The following HYCC1 variants were observed in gnomAD, a reference collection of about 807,000 sequenced individuals.
The protein encoded by HYCC1 is hyccin.
the HYCC1 span, among the ~76,000 whole-genome samples, chr7:22,931,167 A>G: frequency 1.3e-5 from 2 of 151,520 alleles, no homozygotes; most frequent in East Asian, 3.9e-4. Flanking sequence ...TTTTAAGGCC[A>G]CATGAAGACA....
chr7:22,916,399 C>T, the HYCC1 span, among the ~76,000 whole-genome samples: 38 of 152,270 alleles, frequency 2.5e-4, no homozygotes, highest in East Asian at 7.0e-3. Flanking sequence ...ACTCCCCTTT[C>T]CATTCCTTAA....
chr7:22,983,389 G>C, the HYCC1 span, among the ~76,000 whole-genome samples: 2 of 151,876 alleles, frequency 1.3e-5, no homozygotes, highest in Admixed American at 1.3e-4. Context: ...AGTGGGGCAA[G>C]AGGAAAGACT....
chr7:22,996,473 T>C, the HYCC1 span, among the ~76,000 whole-genome samples: 1 of 151,540 alleles, frequency 6.6e-6, no homozygotes, highest in Non-Finnish European at 1.5e-5. Context: ...GTATACTGTG[T>C]GATGGTGAGG....
At chr7:22,996,488 G>A in the HYCC1 span, among the ~76,000 whole-genome samples, 1 of 149,828 alleles carries the variant, frequency 6.7e-6, no homozygotes, top group South Asian at 2.1e-4. Flanking sequence ...GTGAGGTTTG[G>A]AGTACTATTG....
chr7:22,997,372 A>G, the HYCC1 span, among the ~76,000 whole-genome samples: 1 of 152,164 alleles, frequency 6.6e-6, no homozygotes, highest in African/African-American at 2.4e-5. Context: ...TTTGTTTTAT[A>G]TATCATTATG....
chr7:22,912,653 GGA>G, the HYCC1 span, among the ~76,000 whole-genome samples: 1 of 152,120 alleles, frequency 6.6e-6, no homozygotes, highest in African/African-American at 2.4e-5. Flanking sequence ...TTTCCTATGG[GGA>G]GAGTTAGTTC....
the HYCC1 span, among the ~76,000 whole-genome samples, chr7:23,008,699 A>G: frequency 6.6e-6 from 1 of 151,968 alleles, no homozygotes; most frequent in Non-Finnish European, 1.5e-5. Flanking sequence ...AAATAGAAAA[A>G]CCTAGAAAAA....
chr7:22,984,904 T>C, the HYCC1 span, among the ~76,000 whole-genome samples: 1 of 152,070 alleles, frequency 6.6e-6, no homozygotes, highest in Non-Finnish European at 1.5e-5. Context: ...GAACCACCTA[T>C]TCAGAACAAA....
the HYCC1 span, among the ~76,000 whole-genome samples, chr7:23,005,290 C>T: frequency 6.6e-6 from 1 of 152,170 alleles, no homozygotes; most frequent in Admixed American, 6.5e-5. Flanking sequence ...TCCCAGTTTC[C>T]TCAACTGTGA....
the HYCC1 span, among the ~76,000 whole-genome samples, chr7:22,903,371 A>G: frequency 6.6e-6 from 1 of 152,194 alleles, no homozygotes; most frequent in South Asian, 2.1e-4. Context: ...ATAACCAAGA[A>G]TTTAAAAACA....
the HYCC1 span, among the ~76,000 whole-genome samples, chr7:22,973,501 C>T: frequency 1.3e-5 from 2 of 152,062 alleles, no homozygotes; most frequent in Non-Finnish European, 2.9e-5. Context: ...TGATAGAGTT[C>T]CTCTAATATA....
the HYCC1 span, among the ~76,000 whole-genome samples, chr7:22,907,741 C>G: frequency 0.25 from 37,871 of 151,820 alleles, 4,899 homozygotes; most frequent in East Asian, 0.48. Flanking sequence ...GAAACCCCGT[C>G]TCTACTAAAA....
chr7:22,961,881 G>C, the HYCC1 span, among the ~76,000 whole-genome samples: 1 of 151,860 alleles, frequency 6.6e-6, no homozygotes, highest in African/African-American at 2.4e-5. Flanking sequence ...GCATGTGTGA[G>C]TGTGTGTGTA....
the HYCC1 span, among the ~76,000 whole-genome samples, chr7:22,994,279 A>G: frequency 5.9e-5 from 9 of 152,358 alleles, no homozygotes; most frequent in South Asian, 2.1e-4. Flanking sequence ...TGAATAAACT[A>G]TATCTGTGTT....
chr7:22,924,040 G>A, the HYCC1 span, among the ~76,000 whole-genome samples: 3 of 150,564 alleles, frequency 2.0e-5, no homozygotes, highest in African/African-American at 7.3e-5. Flanking sequence ...ATTAGCCAGT[G>A]CGGTGGTGCA....
chr7:23,012,093 G>A, the HYCC1 span, among the ~76,000 whole-genome samples: 2 of 151,932 alleles, frequency 1.3e-5, no homozygotes, highest in African/African-American at 4.8e-5. Flanking sequence ...TACTCAGCCT[G>A]GAAGAGTGAA....
chr7:22,924,292 G>T, the HYCC1 span, among the ~76,000 whole-genome samples: 9 of 152,024 alleles, frequency 5.9e-5, no homozygotes, highest in Non-Finnish European at 1.3e-4. Context: ...ATTTCCAACT[G>T]AGGTAACGGG....
chr7:22,910,215 C>T, the HYCC1 span, among the ~76,000 whole-genome samples: 2 of 152,162 alleles, frequency 1.3e-5, no homozygotes, highest in Non-Finnish European at 2.9e-5. Flanking sequence ...GTATGCAGGT[C>T]ATAGGGGCAG....
the HYCC1 span, among the ~76,000 whole-genome samples, chr7:22,975,277 T>A: frequency 6.6e-6 from 1 of 151,984 alleles, no homozygotes; most frequent in Non-Finnish European, 1.5e-5. Context: ...ACAAAAAAAA[T>A]CACAAAGGAG....
Sources: allele counts gnomAD v4.1 joint callset (sites outside exome capture counted in the v4.1 genomes callset), GRCh38; gene constraint gnomAD v4.1.1; transcripts MANE v1.5; gene names NCBI Gene and HGNC (gene_info 2026-07-23, HGNC 2026-07-21).